AKT3: variants seen among roughly 807,000 people sequenced by gnomAD.
AKT3 encodes AKT serine/threonine kinase 3.
A neutral mutation model predicts 65.3 loss-of-function variants in AKT3; 15 were observed. That is an observed-to-expected ratio of 0.23 (90% CI 0.15 to 0.35). The LOEUF (loss-of-function observed/expected upper bound fraction) is 0.35. Among genes scored for constraint, AKT3 ranks in the 10% least tolerant of loss-of-function variants. The probability of loss-of-function intolerance (pLI) is 1.00; values close to 1 mark genes in which losing one functional copy is unlikely to be tolerated. For synonymous variants in AKT3, 206 were observed against 183.8 expected (o/e 1.12, Z -0.98); for missense variants, 243 against 576.5 (o/e 0.42, Z 5.92).
At chr1:243,538,223 A>G (rs560042124) in intron 12 of AKT3, among the ~76,000 whole-genome samples, 1 of 152,346 alleles carries the variant, frequency 6.6e-6, no homozygotes, top group South Asian at 2.1e-4. Context: ...GTTGTATGAG[A>G]ATTGGTTATG....
In AKT3 at chr1:243,795,451, TTTTTTTTTTTGTTTTTTTTTTTTGG is replaced by T. The variant is rs1558817776; in HGVS notation, c.46+47649_46+47673del. On this transcript the variant is annotated intron_variant, in intron 2 of 13. Coordinates refer to ENST00000673466, the MANE Select transcript of AKT3 (RefSeq NM_005465.7). ...CGTAGGTTTCCCTTGATCTCCTTGT[TTTTTTTTTTTGTTTTTTTTTTTTGG>T]TTTTTTTTTTTTTGAGACGGAGTCT... 2.3e-5 allele frequency among the ~76,000 whole-genome samples: 3 copies of T among 128,778 alleles called. No individual in the cohort carries two copies. The Admixed American group carries it at 2.4e-4, about 10-fold the overall frequency. 84.5% of individuals were successfully genotyped at this position (128,778 alleles called of 152,430 possible). A position where few individuals can be genotyped will look rare whatever the true frequency, so the allele number is the denominator to read the frequency against.
chr1:243,537,075 G>T (rs574996332), intron 12 of AKT3, among the ~76,000 whole-genome samples: 53 of 152,242 alleles, frequency 3.5e-4, no homozygotes, highest in African/African-American at 1.2e-3. Flanking sequence ...CACAACTCAG[G>T]AAAGTTCCAC....
intron 3 of AKT3, among the ~76,000 whole-genome samples, chr1:243,671,961 G>T (rs1683182344): frequency 6.6e-6 from 1 of 152,302 alleles, no homozygotes; most frequent in South Asian, 2.1e-4. Context: ...AAAGCCATAG[G>T]AATGTCTGTT....
intron 2 of AKT3, among the ~76,000 whole-genome samples, chr1:243,729,818 T>C (rs934738266): frequency 6.6e-6 from 1 of 152,234 alleles, no homozygotes; most frequent in Non-Finnish European, 1.5e-5. Context: ...AGTGTTCTTC[T>C]TTATGTATAT....
In AKT3 at chr1:243,637,593, C is replaced by G; in HGVS notation, c.561+18G>C. 2 of 1,575,954 alleles carry G rather than the reference C, an allele frequency of 1.3e-6. No homozygotes were observed. The highest frequency in any genetic ancestry group is 1.7e-6 in the Non-Finnish European group (2 of 1,161,954). On this transcript the variant is annotated intron_variant, in intron 6 of 13. Coordinates refer to ENST00000673466, the MANE Select transcript of AKT3 (RefSeq NM_005465.7). ...CTGCAAACAAAAATTTAGTAATCAA[C>G]TTTAATAAATCAGTTACCTTTGCAA...
At chr1:243,711,585 T>C (rs1289611254) in intron 2 of AKT3, among the ~76,000 whole-genome samples, 1 of 152,164 alleles carries the variant, frequency 6.6e-6, no homozygotes, top group African/African-American at 2.4e-5. Context: ...GAGCATTATA[T>C]AAATACTCCA....
At chr1:243,748,676 A>AT (rs1250836251) in intron 2 of AKT3, among the ~76,000 whole-genome samples, 1 of 152,202 alleles carries the variant, frequency 6.6e-6, no homozygotes. Flanking sequence ...CAAACACAGT[A>AT]TTAATAACTT....
At chr1:243,803,684 A>G (rs923387243) in intron 2 of AKT3, among the ~76,000 whole-genome samples, 1 of 146,460 alleles carries the variant, frequency 6.8e-6, no homozygotes, top group Non-Finnish European at 1.5e-5. Context: ...ACACACACAC[A>G]CACACACATA....
intron 2 of AKT3, among the ~76,000 whole-genome samples, chr1:243,811,353 A>C (rs1421511410): frequency 1.3e-5 from 2 of 152,206 alleles, no homozygotes; most frequent in Non-Finnish European, 2.9e-5. Flanking sequence ...CATGTGCCAA[A>C]ATCACAAGCA....
intron 9 of AKT3, among the ~76,000 whole-genome samples, chr1:243,569,306 G>A (rs564778030): frequency 3.3e-5 from 5 of 152,272 alleles, no homozygotes; most frequent in African/African-American, 7.2e-5. Flanking sequence ...CCCCAAATAG[G>A]TTGCCAGGCT....
At chr1:243,534,617 T>C (rs1376718268) in intron 12 of AKT3, among the ~76,000 whole-genome samples, 2 of 152,190 alleles carry the variant, frequency 1.3e-5, no homozygotes, top group Non-Finnish European at 2.9e-5. Context: ...AAAATGCACC[T>C]TTAACAAATT....
intron 3 of AKT3, among the ~76,000 whole-genome samples, chr1:243,670,915 C>T (rs942056104): frequency 6.6e-6 from 1 of 151,944 alleles, no homozygotes; most frequent in African/African-American, 2.4e-5. Flanking sequence ...ACATGTCAGA[C>T]CAAGAAATAC....
chr1:243,601,126 T>A (rs1294165793), intron 8 of AKT3, among the ~76,000 whole-genome samples: 1 of 152,078 alleles, frequency 6.6e-6, no homozygotes, highest in Admixed American at 6.6e-5. Flanking sequence ...ACAACAAAAG[T>A]GTATTTTGGA....
intron 2 of AKT3, among the ~76,000 whole-genome samples, chr1:243,817,380 T>G (rs1693594324): frequency 6.6e-6 from 1 of 152,218 alleles, no homozygotes; most frequent in African/African-American, 2.4e-5. Context: ...CCAAAATATA[T>G]GAATAATATC....
chr1:243,506,957 G>A (rs1669707685), intron 13 of AKT3, among the ~76,000 whole-genome samples: 1 of 152,224 alleles, frequency 6.6e-6, no homozygotes, highest in Admixed American at 6.5e-5. Context: ...ACCCGTGGTT[G>A]AGCCCCAGAG....
chr1:243,579,926 T>C (rs1162151559), intron 8 of AKT3, among the ~76,000 whole-genome samples: 1 of 152,194 alleles, frequency 6.6e-6, no homozygotes, highest in African/African-American at 2.4e-5. Flanking sequence ...AAAATTTATA[T>C]GTATTAGTCC....
chr1:243,708,972 A>G (rs570643929), intron 2 of AKT3, among the ~76,000 whole-genome samples: 3 of 152,172 alleles, frequency 2.0e-5, no homozygotes, highest in African/African-American at 7.2e-5. Context: ...TACACTAAGA[A>G]TCTTTACATA....
chr1:243,526,536 A>C, intron 12 of AKT3, among the ~76,000 whole-genome samples: 1 of 152,156 alleles, frequency 6.6e-6, no homozygotes, highest in Non-Finnish European at 1.5e-5. Context: ...ATCCTGGGAA[A>C]GGTGGCTCAG....
chr1:243,613,131 A>T (rs186781237), intron 8 of AKT3: 2 of 146,430 alleles, frequency 1.4e-5, no homozygotes, highest in East Asian at 3.9e-4. Context: ...ATACATATAC[A>T]TATATACATA....
Sources: gnomAD v4.1 joint callset for allele counts (sites outside exome capture counted in the v4.1 genomes callset) on GRCh38, gnomAD v4.1.1 for gene constraint, MANE v1.5 for transcripts, NCBI Gene and HGNC (gene_info 2026-07-23, HGNC 2026-07-21) for gene names.